DOCK4: variants seen among roughly 807,000 people sequenced by gnomAD.
The protein encoded by DOCK4 is dedicator of cytokinesis protein 4.
A neutral mutation model predicts 268.1 loss-of-function variants in DOCK4; 97 were observed. The ratio of observed to expected loss-of-function variants is 0.36; its 90% CI spans 0.31 to 0.43. The LOEUF is 0.43. DOCK4 is among the 20% of genes least tolerant of loss of function. DOCK4 has a pLI of 1.00. For synonymous variants in DOCK4, 954 were observed against 887.2 expected (o/e 1.08, Z -1.34); for missense variants, 2,145 against 2,455.7 (o/e 0.87, Z 2.67).
chr7:111,958,795 A>G (rs1012273119), intron 8 of DOCK4, among the ~76,000 whole-genome samples: 1 of 152,214 alleles, frequency 6.6e-6, no homozygotes, highest in African/African-American at 2.4e-5. Flanking sequence ...AAAGCTACAG[A>G]GAAAAAAGTG....
At chr7:111,986,811 C>G (rs1055405063) in intron 6 of DOCK4, among the ~76,000 whole-genome samples, 1 of 152,192 alleles carries the variant, frequency 6.6e-6, no homozygotes, top group Non-Finnish European at 1.5e-5. Flanking sequence ...ATCTCTTCTT[C>G]CTAAGCTTCC....
chr7:111,961,274 A>G (rs1315941743), intron 8 of DOCK4, among the ~76,000 whole-genome samples: 2 of 152,196 alleles, frequency 1.3e-5, no homozygotes, highest in East Asian at 3.9e-4. Flanking sequence ...CGCATTAATA[A>G]AAGAAGTGTC....
intron 42 of DOCK4, among the ~76,000 whole-genome samples, chr7:111,750,941 T>A (rs979239381): frequency 4.6e-5 from 7 of 151,818 alleles, no homozygotes; most frequent in Admixed American, 1.3e-4. Flanking sequence ...GAATACAGCA[T>A]TATCTTTCCT....
chr7:112,039,347 C>T (rs10242194), intron 1 of DOCK4, among the ~76,000 whole-genome samples: 25,459 of 145,510 alleles, frequency 0.17, 3,803 homozygotes, highest in African/African-American at 0.39. Flanking sequence ...ATGTAGAAAA[C>T]TGAAGGTTTT....
At chr7:111,933,178 A>G (rs909799961) in intron 12 of DOCK4, among the ~76,000 whole-genome samples, 6 of 139,354 alleles carry the variant, frequency 4.3e-5, no homozygotes, top group African/African-American at 1.3e-4. Flanking sequence ...GTATATACAC[A>G]TATATACGTA....
At chr7:112,099,078 C>T (rs1810426104) in intron 1 of DOCK4, among the ~76,000 whole-genome samples, 1 of 151,798 alleles carries the variant, frequency 6.6e-6, no homozygotes, top group Non-Finnish European at 1.5e-5. Context: ...TGGCTTGAGC[C>T]CAGGAGTTTG....
At chr7:111,954,814 G>A (rs1441327861) in intron 8 of DOCK4, among the ~76,000 whole-genome samples, 1 of 152,174 alleles carries the variant, frequency 6.6e-6, no homozygotes, top group Non-Finnish European at 1.5e-5. Context: ...ACACTGCCTT[G>A]TGTTGTTTGT....
rs1803700966 is a variant in DOCK4 at position 111,841,596 on chromosome 7, T to C, written c.2736+3167A>G. Among the ~76,000 whole-genome samples, 3 of 152,014 alleles carry C rather than the reference T, an allele frequency of 2.0e-5. No individual in the cohort carries two copies. In the South Asian group the frequency reaches 6.2e-4, roughly 32 times the overall value. ...TCTTAAAAAAAAAAGTCTTAAAGCA[T>C]AAAAGCAAAGATGTCAAATAATTTA... On this transcript the variant is annotated intron_variant, in intron 25 of 52. Transcript: ENST00000428084.
chr7:112,124,236 G>T (rs1813013345), intron 1 of DOCK4, among the ~76,000 whole-genome samples: 1 of 151,962 alleles, frequency 6.6e-6, no homozygotes, highest in South Asian at 2.1e-4. Flanking sequence ...GTCCAGGCTG[G>T]TCCTGAGTTC....
intron 36 of DOCK4, among the ~76,000 whole-genome samples, chr7:111,776,341 G>T (rs892538149): frequency 2.0e-5 from 3 of 152,172 alleles, no homozygotes; most frequent in African/African-American, 4.8e-5. Flanking sequence ...CAAAGAAATT[G>T]AAGCTGTAAA....
intron 5 of DOCK4, among the ~76,000 whole-genome samples, chr7:111,989,478 T>A (rs2135217339): frequency 1.3e-5 from 2 of 152,336 alleles, no homozygotes; most frequent in African/African-American, 4.8e-5. Flanking sequence ...TCGGCTTGAC[T>A]TCCACCTCCA....
chr7:111,778,718 G>C (rs994714120), intron 35 of DOCK4, among the ~76,000 whole-genome samples: 1 of 152,036 alleles, frequency 6.6e-6, no homozygotes, highest in African/African-American at 2.4e-5. Flanking sequence ...GATACTCAAA[G>C]GACAGTTTCT....
intron 35 of DOCK4, among the ~76,000 whole-genome samples, chr7:111,782,197 A>T (rs574834099): frequency 6.6e-6 from 1 of 152,314 alleles, no homozygotes; most frequent in East Asian, 1.9e-4. Flanking sequence ...TCTATTTAAT[A>T]GTTAGTTATG....
chr7:112,105,040 A>C (rs372139586), intron 1 of DOCK4, among the ~76,000 whole-genome samples: 18 of 152,320 alleles, frequency 1.2e-4, no homozygotes, highest in African/African-American at 4.1e-4. Flanking sequence ...TGGGATCATA[A>C]AAAACAGGAA....
intron 1 of DOCK4, among the ~76,000 whole-genome samples, chr7:112,194,681 A>G (rs1196105422): frequency 6.6e-6 from 1 of 152,244 alleles, no homozygotes; most frequent in Non-Finnish European, 1.5e-5. Context: ...TGATTATAAA[A>G]GAAATGTATG....
rs1360365746 is a variant in DOCK4 at position 111,872,295 on chromosome 7, AT to A, written c.1899del (p.Lys633AsnfsTer13). ...AAAGAATCAAACACTTTAGACCCAT[AT>A]TTTTGGGAATTTTCATCTAAAATTC... The part of the protein sequence containing the change: ...LFGILDENSQ[K>X]YGSKVFDSLV... On this transcript the variant is annotated frameshift_variant, in exon 19 of 53. Transcript: ENST00000428084. LOFTEE classifies it high-confidence loss of function. 2 of 1,558,828 alleles carry A rather than the reference AT, an allele frequency of 1.3e-6. No homozygotes were observed. The highest frequency in any genetic ancestry group is 1.2e-5 in the South Asian group (1 of 83,932).
chr7:111,914,379 A>T (rs1262602391), intron 13 of DOCK4, among the ~76,000 whole-genome samples: 2 of 152,188 alleles, frequency 1.3e-5, no homozygotes, highest in African/African-American at 2.4e-5. Flanking sequence ...AATGTAAAGC[A>T]GTGTCACACC....
chr7:111,938,410 T>C (rs1257154181), intron 11 of DOCK4, among the ~76,000 whole-genome samples: 3 of 152,148 alleles, frequency 2.0e-5, no homozygotes, highest in South Asian at 2.1e-4. Flanking sequence ...ATTAGGTATA[T>C]TAACACAACC....
chr7:111,912,768 C>A (rs1336542283), intron 13 of DOCK4, among the ~76,000 whole-genome samples: 36 of 151,920 alleles, frequency 2.4e-4, no homozygotes, highest in Admixed American at 2.4e-3. Flanking sequence ...TGAAGATAAC[C>A]CCAGCTGGTC....
Sources: gnomAD v4.1 joint callset for allele counts (sites outside exome capture counted in the v4.1 genomes callset) on GRCh38, gnomAD v4.1.1 for gene constraint, MANE v1.5 for transcripts, NCBI Gene and HGNC (gene_info 2026-07-23, HGNC 2026-07-21) for gene names.